Variants in NBEA observed in about 807,000 individuals in gnomAD.
The protein encoded by NBEA is lysosomal-trafficking regulator 2.
In NBEA, 44 loss-of-function variants were observed where a neutral mutation model predicts 343.4. The observed-to-expected ratio is 0.13, with a 90% CI of 0.10 to 0.16. The LOEUF (loss-of-function observed/expected upper bound fraction) is 0.16. Ranked by LOEUF, NBEA falls within the 10% of genes least tolerant of loss-of-function variation. The probability of loss-of-function intolerance (pLI) is 1.00; values close to 1 mark genes in which losing one functional copy is unlikely to be tolerated. For synonymous variants in NBEA, 1,175 were observed against 1,238.7 expected (o/e 0.95, Z 1.08); for missense variants, 2,555 against 3,631.3 (o/e 0.70, Z 7.62).
intron 34 of NBEA, among the ~76,000 whole-genome samples, chr13:35,247,521 G>A (rs1196647123): frequency 2.0e-5 from 3 of 152,052 alleles, no homozygotes; most frequent in Non-Finnish European, 4.4e-5. Context: ...TTCAGGTAAG[G>A]TTAGAATCTT....
At chr13:35,191,768 C>T (rs2072213277) in intron 30 of NBEA, among the ~76,000 whole-genome samples, 2 of 152,042 alleles carry the variant, frequency 1.3e-5, no homozygotes, top group African/African-American at 2.4e-5. Context: ...TAACAAGGTG[C>T]TGTATGTTTC....
chr13:35,399,853 A>G (rs1258204087), intron 38 of NBEA, among the ~76,000 whole-genome samples: 2 of 152,010 alleles, frequency 1.3e-5, no homozygotes, highest in Non-Finnish European at 2.9e-5. Flanking sequence ...TTGTAGGGTA[A>G]TTCATTGGCC....
chr13:35,135,717 TAAAG>T (rs1333908021), intron 17 of NBEA, among the ~76,000 whole-genome samples: 1 of 151,956 alleles, frequency 6.6e-6, no homozygotes, highest in Non-Finnish European at 1.5e-5. Flanking sequence ...GGAATAAACT[TAAAG>T]AAGGGGTGTA....
intron 41 of NBEA, among the ~76,000 whole-genome samples, chr13:35,502,078 T>C (rs1395220116): frequency 6.6e-6 from 1 of 152,182 alleles, no homozygotes; most frequent in African/African-American, 2.4e-5. Flanking sequence ...CTGCCGGGGC[T>C]TTAGTGGAGT....
chr13:35,300,743 A>G (rs1196817621), intron 35 of NBEA, among the ~76,000 whole-genome samples: 1 of 152,214 alleles, frequency 6.6e-6, no homozygotes, highest in Non-Finnish European at 1.5e-5. Flanking sequence ...TAGGTATTGC[A>G]CTTTTCCATA....
chr13:35,506,909 A>T (rs952005286), intron 41 of NBEA, among the ~76,000 whole-genome samples: 5 of 152,090 alleles, frequency 3.3e-5, no homozygotes, highest in African/African-American at 1.2e-4. Context: ...CATCCCTTTT[A>T]ATATCCATCC....
intron 38 of NBEA, among the ~76,000 whole-genome samples, chr13:35,356,443 A>C (rs1326344569): frequency 1.3e-5 from 2 of 152,200 alleles, no homozygotes; most frequent in Non-Finnish European, 2.9e-5. Context: ...ACTTCTATAT[A>C]TTATACAGTG....
At chr13:35,619,373 G>A (rs891016864) in intron 48 of NBEA, among the ~76,000 whole-genome samples, 3 of 151,952 alleles carry the variant, frequency 2.0e-5, no homozygotes, top group Non-Finnish European at 4.4e-5. Flanking sequence ...CTTACCTATC[G>A]GGGAAAGTCC....
At chr13:35,390,861 G>A (rs2042466867) in intron 38 of NBEA, among the ~76,000 whole-genome samples, 1 of 152,058 alleles carries the variant, frequency 6.6e-6, no homozygotes, top group African/African-American at 2.4e-5. Flanking sequence ...TGTTATCAGT[G>A]TACATGTTGT....
intron 35 of NBEA, among the ~76,000 whole-genome samples, chr13:35,298,183 GTGTA>G (rs1474778062): frequency 9.3e-6 from 1 of 107,254 alleles, no homozygotes; most frequent in African/African-American, 3.2e-5. Context: ...GTGTGTGTGT[GTGTA>G]TGTGTGTGTG....
intron 40 of NBEA, among the ~76,000 whole-genome samples, chr13:35,459,579 A>G (rs539494073): frequency 3.3e-5 from 5 of 152,280 alleles, no homozygotes; most frequent in Middle Eastern, 3.4e-3. Flanking sequence ...CAGATAATGT[A>G]TCTTCCCTAA....
chr13:35,424,361 G>T (rs559509125), intron 38 of NBEA, among the ~76,000 whole-genome samples: 1 of 152,226 alleles, frequency 6.6e-6, no homozygotes, highest in South Asian at 2.1e-4. Context: ...TAGCATGAAG[G>T]TTATTGAATT....
At chr13:35,363,155 A>C (rs2040910014) in intron 38 of NBEA, among the ~76,000 whole-genome samples, 1 of 151,962 alleles carries the variant, frequency 6.6e-6, no homozygotes, top group Non-Finnish European at 1.5e-5. Context: ...GCTGGTTGGT[A>C]GAAAATGTAA....
intron 48 of NBEA, among the ~76,000 whole-genome samples, chr13:35,616,787 A>T (rs1000775568): frequency 5.3e-5 from 8 of 152,242 alleles, no homozygotes; most frequent in Non-Finnish European, 1.2e-4. Context: ...TACTCCTGAT[A>T]CTAATATGAC....
intron 34 of NBEA, chr13:35,251,225 A>G (rs1291469122): frequency 1.1e-5 from 3 of 269,694 alleles, no homozygotes; most frequent in Non-Finnish European, 2.0e-5. Flanking sequence ...ACAGAAACCA[A>G]TGGCATTCCA....
chr13:34,987,587 A>G (rs1318770270), intron 1 of NBEA, among the ~76,000 whole-genome samples: 2 of 150,682 alleles, frequency 1.3e-5, no homozygotes, highest in Non-Finnish European at 1.5e-5. Flanking sequence ...CCTGAAGAGT[A>G]TTTTCCAACT....
At chr13:35,239,488 A>G (rs2029872274) in intron 34 of NBEA, among the ~76,000 whole-genome samples, 1 of 152,120 alleles carries the variant, frequency 6.6e-6, no homozygotes. Flanking sequence ...AATGTTGGAT[A>G]AAGCTGCTTG....
At chr13:35,077,668 A>G (rs547773680) in intron 10 of NBEA, among the ~76,000 whole-genome samples, 214 of 152,256 alleles carry the variant, frequency 1.4e-3, no homozygotes, top group African/African-American at 4.7e-3. Flanking sequence ...GCCCTTTTCC[A>G]GTAATTTTCA....
intron 38 of NBEA, among the ~76,000 whole-genome samples, chr13:35,389,138 T>A (rs2152898100): frequency 6.6e-6 from 1 of 152,188 alleles, no homozygotes; most frequent in South Asian, 2.1e-4. Flanking sequence ...TGAAATCAAT[T>A]CTTGGTCTAA....
Sources: gnomAD v4.1 joint callset for allele counts (sites outside exome capture counted in the v4.1 genomes callset) on GRCh38, gnomAD v4.1.1 for gene constraint, MANE v1.5 for transcripts, NCBI Gene and HGNC (gene_info 2026-07-23, HGNC 2026-07-21) for gene names.